Variants in STAC observed in about 807,000 individuals in gnomAD.
STAC encodes the protein SH3 and cysteine rich domain.
A neutral mutation model predicts 48.8 loss-of-function variants in STAC; 43 were observed. The ratio of observed to expected loss-of-function variants is 0.88; its 90% CI spans 0.69 to 1.14. The LOEUF (loss-of-function observed/expected upper bound fraction) is 1.14, where lower values mean the gene tolerates loss of function less well. Among genes scored for constraint, STAC ranks in the 50% most tolerant of loss-of-function variants. The pLI, the probability that STAC is intolerant of heterozygous loss-of-function variation, is 0.00. For synonymous variants in STAC, 193 were observed against 179.5 expected, an observed-to-expected ratio of 1.07 and a Z score of -0.60; for missense variants, 497 against 504.0, an observed-to-expected ratio of 0.99 and a Z score of 0.13.
chr3:36,513,526 T>C (rs1698593683), intron 8 of STAC, among the ~76,000 whole-genome samples: 1 of 152,186 alleles, frequency 6.6e-6, no homozygotes, highest in African/African-American at 2.4e-5. Context: ...CTATCTACTA[T>C]GGGTGATAGT....
intron 2 of STAC, among the ~76,000 whole-genome samples, chr3:36,454,123 C>T (rs1393491365): frequency 6.6e-6 from 1 of 152,136 alleles, no homozygotes; most frequent in Non-Finnish European, 1.5e-5. Flanking sequence ...GCAGGCTGCC[C>T]TAGCCAGCAG....
chr3:36,507,729 T>C (rs1391257540), intron 8 of STAC, among the ~76,000 whole-genome samples: 1 of 152,224 alleles, frequency 6.6e-6, no homozygotes, highest in Non-Finnish European at 1.5e-5. Flanking sequence ...TATTCTCTGA[T>C]GGTAGCTTGT....
At chr3:36,435,699 C>T (rs535892545) in intron 1 of STAC, among the ~76,000 whole-genome samples, 2 of 152,326 alleles carry the variant, frequency 1.3e-5, no homozygotes, top group Admixed American at 1.3e-4. Flanking sequence ...CACCACTTCA[C>T]TGAATCTACT....
At chr3:36,431,792 C>T (rs1700711643) in intron 1 of STAC, among the ~76,000 whole-genome samples, 1 of 152,136 alleles carries the variant, frequency 6.6e-6, no homozygotes, top group Non-Finnish European at 1.5e-5. Flanking sequence ...TCTGGCACAA[C>T]TCCCTCATGG....
intron 10 of STAC, among the ~76,000 whole-genome samples, chr3:36,541,427 T>C (rs1699322100): frequency 6.6e-6 from 1 of 152,182 alleles, no homozygotes; most frequent in South Asian, 2.1e-4. Context: ...CCTCAAGGTT[T>C]TAGTTATCCT....
At chr3:36,541,595 G>T (rs1394084690) in intron 10 of STAC, among the ~76,000 whole-genome samples, 1 of 152,216 alleles carries the variant, frequency 6.6e-6, no homozygotes, top group Non-Finnish European at 1.5e-5. Context: ...AACACTGAAT[G>T]TTAACATTTA....
chr3:36,503,136 T>C (rs1361645939), intron 6 of STAC, among the ~76,000 whole-genome samples: 2 of 152,052 alleles, frequency 1.3e-5, no homozygotes, highest in African/African-American at 4.8e-5. Context: ...TGAAGGGAAA[T>C]CAAAGAGAAG....
At chr3:36,484,032 A>G (rs1004478984) in intron 3 of STAC, among the ~76,000 whole-genome samples, 47 of 152,206 alleles carry the variant, frequency 3.1e-4, no homozygotes, top group African/African-American at 1.1e-3. Flanking sequence ...GAAAGGACGA[A>G]GAATGTCTAC....
intron 1 of STAC, among the ~76,000 whole-genome samples, chr3:36,393,990 G>C (rs920299134): frequency 3.3e-5 from 5 of 151,986 alleles, no homozygotes; most frequent in Non-Finnish European, 2.9e-5. Context: ...GTGGGGGAGA[G>C]ATCTGAGCAA....
intron 1 of STAC, among the ~76,000 whole-genome samples, chr3:36,390,890 C>A (rs1056694738): frequency 6.6e-6 from 1 of 152,038 alleles, no homozygotes; most frequent in Non-Finnish European, 1.5e-5. Flanking sequence ...TTATTAAATT[C>A]TATTCCTTTT....
chr3:36,478,622 G>GT (rs1225183871), intron 2 of STAC, among the ~76,000 whole-genome samples: 1 of 152,142 alleles, frequency 6.6e-6, no homozygotes, highest in Non-Finnish European at 1.5e-5. Flanking sequence ...AGTCTCCCGA[G>GT]TAACTGGGAC....
At position 36,486,154 on chromosome 3, in the gene STAC, C is replaced by A. The variant is rs1697806084; in HGVS notation, c.592C>A (p.Pro198Thr). The A allele has an allele frequency of 6.2e-7, 1 of 1,613,610 alleles. No homozygotes were observed. ...MPIACGNKVD[P>T]VYETLRFGTS... is the part of the protein sequence containing the mutation. ...TGCAGCCTGTGGCAATAAGGTGGACCCTGTCTACGAGACCCTCCGCTTCGG... is the reference window on the plus strand; with the variant it reads ...TGCAGCCTGTGGCAATAAGGTGGACACTGTCTACGAGACCCTCCGCTTCGG... Residue 198 changes from proline (P) to threonine (T), a missense_variant, in exon 5 of 11, where the codon CCT (proline) becomes ACT (threonine). Transcript: ENST00000273183.
rs747482136 is a variant in STAC at position 36,493,198 on chromosome 3, C to T, written c.735C>T (p.Gly245=). The T allele has an allele frequency of 3.7e-5, 59 of 1,613,180 alleles. No individual in the cohort carries two copies. In the African/African-American group the frequency reaches 4.3e-4, roughly 12 times the overall value. The change falls in exon 6 of 11, where the codon GGC becomes GGT. Residue 245 remains glycine, a synonymous_variant. Coordinates refer to ENST00000273183, the MANE Select transcript of STAC (RefSeq NM_003149.3). ...EVPEEANGPG[G]GYDLRKRSNS... ...CTGAGGAAGCCAATGGGCCAGGAGG[C>T]GGGTATGACCTAAGGAAACGCAGCA...
intron 1 of STAC, among the ~76,000 whole-genome samples, chr3:36,395,856 T>C (rs1002666267): frequency 1.3e-5 from 2 of 151,822 alleles, no homozygotes; most frequent in East Asian, 1.9e-4. Context: ...AGCAAGAAGA[T>C]AGCAGCAAGG....
intron 1 of STAC, among the ~76,000 whole-genome samples, chr3:36,414,204 G>A (rs1700262862): frequency 6.6e-6 from 1 of 152,112 alleles, no homozygotes; most frequent in Non-Finnish European, 1.5e-5. Flanking sequence ...TGTATTTCCT[G>A]AATTTGAATG....
At chr3:36,486,285 T>G (rs1294142630) in intron 5 of STAC, 36 bp downstream of exon 5, 1 of 1,592,128 alleles carries the variant, frequency 6.3e-7, no homozygotes, top group Non-Finnish European at 8.6e-7. Context: ...TTGTCTGTGG[T>G]GGTCTTGGGC....
intron 1 of STAC, among the ~76,000 whole-genome samples, chr3:36,442,469 A>G (rs567321519): frequency 6.6e-6 from 1 of 152,274 alleles, no homozygotes; most frequent in South Asian, 2.1e-4. Flanking sequence ...TTAAAAGGCC[A>G]CTGTGGGGAT....
chr3:36,425,465 G>T (rs1282899049), intron 1 of STAC, among the ~76,000 whole-genome samples: 1 of 152,168 alleles, frequency 6.6e-6, no homozygotes, highest in Non-Finnish European at 1.5e-5. Context: ...ACTAAAGAAA[G>T]AACAATTCAT....
At chr3:36,503,039 C>T (rs1698315933) in intron 6 of STAC, among the ~76,000 whole-genome samples, 1 of 152,174 alleles carries the variant, frequency 6.6e-6, no homozygotes, top group African/African-American at 2.4e-5. Flanking sequence ...ATTTTAAGAA[C>T]AGTAAAGACT....
Sources: allele counts gnomAD v4.1 joint callset (sites outside exome capture counted in the v4.1 genomes callset), GRCh38; gene constraint gnomAD v4.1.1; transcripts MANE v1.5; gene names NCBI Gene and HGNC (gene_info 2026-07-23, HGNC 2026-07-21).